RBFOX3: variants seen among roughly 807,000 people sequenced by gnomAD.
RBFOX3 encodes the protein RNA binding protein fox-1 homolog 3.
In RBFOX3, 17 loss-of-function variants were observed where a neutral mutation model predicts 48.7. The ratio of observed to expected loss-of-function variants is 0.35; its 90% CI spans 0.24 to 0.52. RBFOX3 has a LOEUF of 0.52. Among genes scored for constraint, RBFOX3 ranks in the 20% least tolerant of loss-of-function variants. RBFOX3 has a pLI of 0.94. For synonymous variants in RBFOX3, 212 were observed against 209.5 expected (o/e 1.01, Z -0.10); for missense variants, 382 against 497.5 (o/e 0.77, Z 2.21).
intron 7 of RBFOX3, 42 bp downstream of exon 7, chr17:79,104,028 ACCT>A (rs1300447715): frequency 6.7e-7 from 1 of 1,493,278 alleles, no homozygotes; most frequent in Admixed American, 2.0e-5. Flanking sequence ...GCCTGGCGGG[ACCT>A]ACAGCCGGCG....
intron 3 of RBFOX3, among the ~76,000 whole-genome samples, chr17:79,251,971 C>T (rs80107352): frequency 6.6e-6 from 1 of 152,180 alleles, no homozygotes; most frequent in African/African-American, 2.4e-5. Flanking sequence ...CTCACTCTAC[C>T]CAGCAGCCTC....
chr17:79,114,585 G>T (rs1472800420), intron 5 of RBFOX3, among the ~76,000 whole-genome samples: 1 of 152,248 alleles, frequency 6.6e-6, no homozygotes, highest in Non-Finnish European at 1.5e-5. Flanking sequence ...GACGGCAGGA[G>T]GGCTGAGGCA....
chr17:79,361,288 G>A lies in RBFOX3; in HGVS notation c.-174-53464C>T, dbSNP rs779356440. On this transcript the variant is annotated intron_variant, in intron 2 of 14. Transcript: ENST00000693108. The surrounding 1 kb of genome is among the most constrained non-coding windows in gnomAD (Gnocchi z 4.5). ...CCCTCTCCCCAGGCTGCTGGTTGGC[G>A]CCTTGATCCATTTGCCATCGGGGCT... Among the ~76,000 whole-genome samples the A allele has an allele frequency of 2.2e-4, 34 of 152,144 alleles. No homozygotes were observed. Among genetic ancestry groups the A allele is most frequent in the Admixed American group, 1.5e-3 (23 of 15,272 alleles).
intron 2 of RBFOX3, among the ~76,000 whole-genome samples, chr17:79,431,629 C>T (rs2068476437): frequency 6.6e-6 from 1 of 152,100 alleles, no homozygotes; most frequent in Non-Finnish European, 1.5e-5. Flanking sequence ...GGATTACAGG[C>T]ATATGCCACC....
chr17:79,628,957 A>G, the RBFOX3 span, among the ~76,000 whole-genome samples: 1 of 152,210 alleles, frequency 6.6e-6, no homozygotes, highest in Non-Finnish European at 1.5e-5. Context: ...TGCCTTCGTG[A>G]TCCACTTTGC....
chr17:79,275,827 C>T (rs1227822642), intron 3 of RBFOX3, among the ~76,000 whole-genome samples: 2 of 152,214 alleles, frequency 1.3e-5, no homozygotes, highest in African/African-American at 4.8e-5. Flanking sequence ...GTGACATTTC[C>T]TCTAAATCCA....
At position 79,195,849 on chromosome 17, in the gene RBFOX3, C is replaced by T. The variant is rs1457924159; in HGVS notation, c.-34+39917G>A. On this transcript the variant is annotated intron_variant, in intron 4 of 14. Transcript: ENST00000693108. This position sits in a 1 kb window ranked among gnomAD's most constrained non-coding sequence, Gnocchi z 5.3. Reference sequence around the variant, plus strand: ...TGGCCAGCTCCCGTGCGGCTGCACTCGCTTGCATTTGGCTGCTGGGTGAGC... The same window carrying T: ...TGGCCAGCTCCCGTGCGGCTGCACTTGCTTGCATTTGGCTGCTGGGTGAGC... Among the ~76,000 whole-genome samples, 4 of 152,204 alleles carry T rather than the reference C, an allele frequency of 2.6e-5. No individual in the cohort carries two copies. The highest frequency in any genetic ancestry group is 2.1e-4 in the South Asian group (1 of 4,814).
chr17:79,172,201 A>G (rs2049477326), intron 4 of RBFOX3, among the ~76,000 whole-genome samples: 1 of 151,786 alleles, frequency 6.6e-6, no homozygotes, highest in South Asian at 2.1e-4. Context: ...AAAAGAGAAA[A>G]AGAAAAAAAC....
At chr17:79,432,463 C>CATCT (rs1265324854) in intron 2 of RBFOX3, among the ~76,000 whole-genome samples, 1 of 152,192 alleles carries the variant, frequency 6.6e-6, no homozygotes, top group Non-Finnish European at 1.5e-5. Flanking sequence ...GTTGGTGGGA[C>CATCT]ATCTGCAAAT....
intron 1 of RBFOX3, among the ~76,000 whole-genome samples, chr17:79,494,667 A>G (rs1372505787): frequency 2.0e-5 from 3 of 152,260 alleles, no homozygotes; most frequent in Non-Finnish European, 2.9e-5. Context: ...GAAGCAGCTC[A>G]GAGACATAAA....
chr17:79,187,608 G>A (rs1216551762), intron 4 of RBFOX3, among the ~76,000 whole-genome samples: 1 of 152,174 alleles, frequency 6.6e-6, no homozygotes, highest in African/African-American at 2.4e-5. Flanking sequence ...ATGGCTCAGG[G>A]ATGGGAGGAT....
chr17:79,539,850 G>A (rs910612776), intron 1 of RBFOX3, among the ~76,000 whole-genome samples: 52 of 152,126 alleles, frequency 3.4e-4, no homozygotes, highest in African/African-American at 4.3e-4. Context: ...AGAACATGGC[G>A]CATGGTTAAC....
chr17:79,154,586 G>A (rs1420128713), intron 4 of RBFOX3, among the ~76,000 whole-genome samples: 2 of 152,226 alleles, frequency 1.3e-5, no homozygotes, highest in Non-Finnish European at 2.9e-5. Context: ...CAGAATGAAG[G>A]ACGCTGGCTG....
intron 2 of RBFOX3, among the ~76,000 whole-genome samples, chr17:79,430,062 A>G (rs1245031007): frequency 6.6e-6 from 1 of 152,150 alleles, no homozygotes; most frequent in African/African-American, 2.4e-5. Context: ...AGCTCCCTGG[A>G]GACATCAGCG....
At chr17:79,409,024 G>A (rs1053552024) in intron 2 of RBFOX3, among the ~76,000 whole-genome samples, 1 of 152,078 alleles carries the variant, frequency 6.6e-6, no homozygotes, top group Non-Finnish European at 1.5e-5. Flanking sequence ...AGCCCTCAGC[G>A]ACCACCAATC....
At chr17:79,261,060 C>A (rs2065682783) in intron 3 of RBFOX3, among the ~76,000 whole-genome samples, 1 of 152,110 alleles carries the variant, frequency 6.6e-6, no homozygotes, top group South Asian at 2.1e-4. Context: ...TCGATCTTTG[C>A]CCAGATCCTT....
the RBFOX3 span, among the ~76,000 whole-genome samples, chr17:79,664,825 A>C: frequency 6.6e-6 from 1 of 152,288 alleles, no homozygotes; most frequent in East Asian, 1.9e-4. Context: ...CTCTGTCCAC[A>C]AGGAGGGACC....
intron 1 of RBFOX3, among the ~76,000 whole-genome samples, chr17:79,514,762 C>T (rs1274095094): frequency 2.0e-5 from 3 of 152,200 alleles, no homozygotes; most frequent in Non-Finnish European, 2.9e-5. Flanking sequence ...GACCCTGGAG[C>T]ATTTCTATTT....
At chr17:79,106,922 G>T in intron 5 of RBFOX3, 134 bp from the exon 6 acceptor site, 6 of 1,224,462 alleles carry the variant, frequency 4.9e-6, no homozygotes, top group East Asian at 3.1e-5. Context: ...CCCTGGGCTG[G>T]GATCCTTGGC....
Sources: gnomAD v4.1 joint callset for allele counts (sites outside exome capture counted in the v4.1 genomes callset) on GRCh38, gnomAD v4.1.1 for gene constraint, Gnocchi (gnomAD v3.1) non-coding constraint, MANE v1.5 for transcripts, NCBI Gene and HGNC (gene_info 2026-07-23, HGNC 2026-07-21) for gene names.